The following GALNT11 variants were observed in gnomAD, a reference collection of about 807,000 sequenced individuals.
GALNT11 encodes the protein polypeptide N-acetylgalactosaminyltransferase 11.
Under a neutral mutation model 72.7 loss-of-function variants are expected in GALNT11, and 47 were observed. The observed-to-expected ratio is 0.65, with a 90% CI of 0.51 to 0.82. The LOEUF is 0.82. Among genes scored for constraint, GALNT11 ranks in the 40% least tolerant of loss-of-function variants. The pLI, the probability that GALNT11 is intolerant of heterozygous loss-of-function variation, is 0.00. For synonymous variants in GALNT11, 270 were observed against 286.6 expected (o/e 0.94, Z 0.58); for missense variants, 677 against 778.4 (o/e 0.87, Z 1.55).
At chr7:152,036,636 CTA>C (rs2082593495) in intron 1 of GALNT11, among the ~76,000 whole-genome samples, 1 of 152,162 alleles carries the variant, frequency 6.6e-6, no homozygotes, top group Admixed American at 6.5e-5. Context: ...CGTGGTAGCT[CTA>C]TTTTTAGTTT....
intron 1 of GALNT11, among the ~76,000 whole-genome samples, chr7:152,029,552 C>A (rs996933241): frequency 6.6e-6 from 1 of 152,172 alleles, no homozygotes; most frequent in African/African-American, 2.4e-5. Context: ...TTCAATTATT[C>A]TTTGCTATTA....
chr7:152,112,681 A>G (rs765146023), intron 7 of GALNT11, among the ~76,000 whole-genome samples: 6 of 152,164 alleles, frequency 3.9e-5, no homozygotes, highest in Admixed American at 2.6e-4. Flanking sequence ...AAGGCAATCT[A>G]ATCCCACAAA....
intron 1 of GALNT11, among the ~76,000 whole-genome samples, chr7:152,042,939 A>T (rs1274168807): frequency 6.6e-6 from 1 of 152,200 alleles, no homozygotes; most frequent in East Asian, 1.9e-4. Flanking sequence ...AAAGGATTGA[A>T]ATGTCCGCTC....
intron 4 of GALNT11, 142 bp from the exon 5 acceptor site, chr7:152,105,103 T>G: frequency 1.1e-6 from 1 of 888,774 alleles, no homozygotes; most frequent in Non-Finnish European, 1.6e-6. Flanking sequence ...TACAATACTC[T>G]TTTAAAGTAA....
chr7:152,064,519 T>G (rs1423107646), intron 1 of GALNT11, among the ~76,000 whole-genome samples: 1 of 152,206 alleles, frequency 6.6e-6, no homozygotes, highest in African/African-American at 2.4e-5. Flanking sequence ...GTTATTTTGC[T>G]TGTTTGTTGA....
intron 1 of GALNT11, among the ~76,000 whole-genome samples, chr7:152,091,058 GTTT>G (rs1181959151): frequency 6.6e-6 from 1 of 151,518 alleles, no homozygotes; most frequent in East Asian, 1.9e-4. Context: ...TGTTGTTGTT[GTTT>G]TTTTCATGTG....
chr7:152,075,463 T>C (rs1341378420), intron 1 of GALNT11, among the ~76,000 whole-genome samples: 1 of 152,238 alleles, frequency 6.6e-6, no homozygotes, highest in Non-Finnish European at 1.5e-5. Flanking sequence ...GTAGTAAGGA[T>C]TTCAAACTAC....
At chr7:152,068,688 G>C (rs915847928) in intron 1 of GALNT11, among the ~76,000 whole-genome samples, 9 of 152,078 alleles carry the variant, frequency 5.9e-5, no homozygotes, top group Admixed American at 5.2e-4. Flanking sequence ...AATCTAATCA[G>C]TTTTACCTGG....
intron 1 of GALNT11, among the ~76,000 whole-genome samples, chr7:152,076,571 C>T (rs2084994321): frequency 6.6e-6 from 1 of 152,150 alleles, no homozygotes; most frequent in African/African-American, 2.4e-5. Flanking sequence ...TGGAGGGAGG[C>T]TGGATTTAAG....
Position 152,113,340 on chromosome 7 carries a change from A to G in GALNT11, c.1175A>G (p.Gln392Arg). 3 of 1,614,128 alleles carry G rather than the reference A, an allele frequency of 1.9e-6. No individual in the cohort carries two copies. The highest frequency in any genetic ancestry group is 2.5e-6 in the Non-Finnish European group (3 of 1,180,008). The change falls in exon 8 of 12, where the codon CAG becomes CGG. Residue 392 changes from glutamine to arginine, a missense_variant. By Grantham distance (43) the Gln-to-Arg change is conservative (BLOSUM62 1). Transcript: ENST00000430044. ...KRRPYGSPEGQDTMTHNSLRL... is the reference protein window; with the variant it reads ...KRRPYGSPEGRDTMTHNSLRL... Reference sequence around the variant, plus strand: ...CGACCATATGGATCTCCCGAAGGCCAGGACACCATGACACACAACTCTTTG... The same window carrying G: ...CGACCATATGGATCTCCCGAAGGCCGGGACACCATGACACACAACTCTTTG...
intron 1 of GALNT11, among the ~76,000 whole-genome samples, chr7:152,047,026 A>T (rs752500434): frequency 5.3e-5 from 8 of 152,192 alleles, no homozygotes; most frequent in Non-Finnish European, 1.2e-4. Context: ...TTTTAAACCA[A>T]TGGCAACTTA....
rs1296369379 is a variant in GALNT11, at chr7:152,058,087, T to TG, written c.-39+32210dup. 9.2e-5 allele frequency among the ~76,000 whole-genome samples: 14 copies of TG among 152,136 alleles called. No homozygotes were observed. In the South Asian group the frequency reaches 2.1e-3, roughly 23 times the overall value. On this transcript the variant is annotated intron_variant, in intron 1 of 11. Transcript: ENST00000430044. ...CACAAAGTGAATCACACACATTTTT[T>TG]GGGGGGGTGCATATAAAAGTTATGT...
At chr7:152,103,949 C>T (rs1294240162) in intron 4 of GALNT11, 1 of 152,266 alleles carries the variant, frequency 6.6e-6, no homozygotes, top group East Asian at 1.9e-4. Flanking sequence ...ACTGATCGTC[C>T]CCAGATAAAA....
At chr7:152,106,073 TCTCC>T (rs2087520800) in intron 5 of GALNT11, among the ~76,000 whole-genome samples, 1 of 152,256 alleles carries the variant, frequency 6.6e-6, no homozygotes, top group Admixed American at 6.5e-5. Flanking sequence ...GTGTAATTGG[TCTCC>T]CTGAGTTTCA....
At chr7:152,080,968 T>C (rs1012817165) in intron 1 of GALNT11, among the ~76,000 whole-genome samples, 7 of 152,084 alleles carry the variant, frequency 4.6e-5, no homozygotes, top group African/African-American at 1.2e-4. Context: ...GAAACTCTGA[T>C]TCAGAAAAAC....
intron 2 of GALNT11, 140 bp from the exon 3 acceptor site, chr7:152,100,658 C>T (rs2086803982): frequency 1.9e-6 from 2 of 1,046,044 alleles, no homozygotes; most frequent in South Asian, 3.2e-5. Flanking sequence ...TGACTTCAAC[C>T]TAGAGACAAC....
intron 11 of GALNT11, 109 bp downstream of exon 11, chr7:152,121,077 T>C (rs757056022): frequency 7.6e-6 from 10 of 1,323,128 alleles, no homozygotes; most frequent in Non-Finnish European, 1.0e-5. Flanking sequence ...CTTCTCAGTC[T>C]GCAGTACAGT....
intron 1 of GALNT11, among the ~76,000 whole-genome samples, chr7:152,065,663 A>C (rs542652341): frequency 6.6e-6 from 1 of 152,342 alleles, no homozygotes; most frequent in South Asian, 2.1e-4. Flanking sequence ...TCTAACAGTC[A>C]GGACCCTCAG....
chr7:152,105,445 T>A, intron 5 of GALNT11, 75 bp downstream of exon 5: 1 of 1,550,486 alleles, frequency 6.4e-7, no homozygotes, highest in Non-Finnish European at 8.7e-7. Flanking sequence ...GTCCTGATTC[T>A]GCAAAGTCTA....
Sources: allele counts gnomAD v4.1 joint callset (sites outside exome capture counted in the v4.1 genomes callset), GRCh38; gene constraint gnomAD v4.1.1; transcripts MANE v1.5; gene names NCBI Gene and HGNC (gene_info 2026-07-23, HGNC 2026-07-21).